Variants in SH3TC2 observed in about 807,000 individuals in gnomAD.
SH3TC2 encodes SH3 domain and tetratricopeptide repeats 2.
In SH3TC2, 87 loss-of-function variants were observed where a neutral mutation model predicts 124.5. The observed-to-expected ratio is 0.70, with a 90% confidence interval of 0.59 to 0.84. The LOEUF is 0.84. Among genes scored for constraint, SH3TC2 ranks in the 40% least tolerant of loss-of-function variants. SH3TC2 has a pLI of 0.00. For missense variants in SH3TC2, 1,536 were observed against 1,566.4 expected (o/e 0.98, Z 0.33); for synonymous variants, 634 against 628.5 (o/e 1.01, Z -0.13).
Position 148,991,128 on chromosome 5 carries a change from C to T in SH3TC2, c.*13583G>A, listed in dbSNP as rs1240681809. On this transcript the variant is annotated 3_prime_UTR_variant, in exon 17 of 17. Coordinates refer to ENST00000515425, the MANE Select transcript of SH3TC2 (RefSeq NM_024577.4). Reference sequence around the variant, plus strand: ...ACGTTTAATATGACCCTTTAAAACACCAGGAACATTCACAGCAAAAGACCA... The same window carrying T: ...ACGTTTAATATGACCCTTTAAAACATCAGGAACATTCACAGCAAAAGACCA... Among the ~76,000 whole-genome samples the T allele has an allele frequency of 6.6e-6, 1 of 152,142 alleles. No homozygotes were observed. The highest frequency in any genetic ancestry group is 2.4e-5 in the African/African-American group (1 of 41,420).
At position 149,003,994 on chromosome 5, in the gene SH3TC2, T is replaced by C. The variant is rs1175416557; in HGVS notation, c.*717A>G. On this transcript the variant is annotated 3_prime_UTR_variant, in exon 17 of 17. Transcript: ENST00000515425. ...TATTTAATCATATACACTATTTACA[T>C]GTAATTTATGTCATAATTTTCTTAA... The C allele has an allele frequency of 2.7e-5, 5 of 187,888 alleles. No homozygotes were observed. In the East Asian group the frequency reaches 6.6e-4, roughly 25 times the overall value. 11.6% of individuals were successfully genotyped at this position (187,888 alleles called of 1,614,324 possible).
chr5:149,018,953 C>T (rs957917467), intron 12 of SH3TC2, among the ~76,000 whole-genome samples: 1 of 152,230 alleles, frequency 6.6e-6, no homozygotes, highest in Non-Finnish European at 1.5e-5. Flanking sequence ...CAAACCTCCC[C>T]CTACAGAAGC....
At chr5:149,034,228 T>C (rs973423167) in intron 8 of SH3TC2, among the ~76,000 whole-genome samples, 12 of 144,574 alleles carry the variant, frequency 8.3e-5, no homozygotes, top group Middle Eastern at 3.5e-3. Context: ...AAGAACTACA[T>C]GGGTGGGTTA....
chr5:149,015,474 A>T (rs1430742548), intron 12 of SH3TC2, among the ~76,000 whole-genome samples: 2 of 152,216 alleles, frequency 1.3e-5, no homozygotes, highest in African/African-American at 4.8e-5. Flanking sequence ...CCAAAGAAGC[A>T]TGGAGCACTG....
intron 8 of SH3TC2, chr5:149,034,293 CA>C (rs1250811494): frequency 6.1e-6 from 1 of 163,966 alleles, no homozygotes; most frequent in African/African-American, 2.4e-5. Flanking sequence ...AAGATTATGT[CA>C]AGAAAATCAA....
intron 13 of SH3TC2, among the ~76,000 whole-genome samples, chr5:149,011,308 G>A (rs1753779586): frequency 6.6e-6 from 1 of 152,254 alleles, no homozygotes; most frequent in Non-Finnish European, 1.5e-5. Flanking sequence ...GAGGGGCAGT[G>A]AGATGGAATC....
rs1297552260 is a variant in SH3TC2, at chr5:148,994,532, T to A, written c.*10179A>T. Among the ~76,000 whole-genome samples, 2 of 152,102 alleles carry A rather than the reference T, an allele frequency of 1.3e-5. No homozygotes were observed. Among genetic ancestry groups the A allele is most frequent in the Non-Finnish European group, 2.9e-5 (2 of 68,008 alleles). Reference sequence around the variant, plus strand: ...CTCACTGGATTGTGAGTTTAGCACATGAGAGGTGTTGAATATTGGTTAGTT... The same window carrying A: ...CTCACTGGATTGTGAGTTTAGCACAAGAGAGGTGTTGAATATTGGTTAGTT... On this transcript the variant is annotated 3_prime_UTR_variant, in exon 17 of 17. Coordinates refer to ENST00000515425, the MANE Select transcript of SH3TC2 (RefSeq NM_024577.4).
At chr5:149,026,096 C>G (rs1754058345) in intron 12 of SH3TC2, 1 of 158,242 alleles carries the variant, frequency 6.3e-6, no homozygotes, top group South Asian at 1.9e-4. Flanking sequence ...GTGGGGGTGA[C>G]CTTTCTTTAA....
chr5:149,028,257 GAGA>G lies in SH3TC2; in HGVS notation c.1472_1474del (p.Phe491del), dbSNP rs984512495. ...GCTATAAAAGGAAGAAGTGAGGAAA[GAGA>G]AGGAGAAGTCATAGAGACTCTTAAA... On this transcript the variant is annotated inframe_deletion, in exon 11 of 17. Coordinates refer to ENST00000515425, the MANE Select transcript of SH3TC2 (RefSeq NM_024577.4). The G allele has an allele frequency of 5.6e-6, 9 of 1,613,914 alleles. No individual in the cohort carries two copies. The African/African-American group carries it at 6.7e-5, about 12-fold the overall frequency.
At chr5:149,044,395 ATT>A (rs1754422530) in intron 4 of SH3TC2, 136 bp downstream of exon 4, 1 of 682,876 alleles carries the variant, frequency 1.5e-6, no homozygotes, top group African/African-American at 1.8e-5. Context: ...ACTTTGTGAA[ATT>A]TCAAAAGTTA....
chr5:149,009,527 C>A (rs924962112), intron 14 of SH3TC2, among the ~76,000 whole-genome samples: 1 of 152,190 alleles, frequency 6.6e-6, no homozygotes, highest in African/African-American at 2.4e-5. Flanking sequence ...TTCTTCCCCA[C>A]CCCTAGCTCA....
rs1211127847 is a variant in SH3TC2, at chr5:149,042,165, A to G, written c.529+529T>C. On this transcript the variant is annotated intron_variant, in intron 5 of 16. Coordinates refer to ENST00000515425, the MANE Select transcript of SH3TC2 (RefSeq NM_024577.4). Reference sequence around the variant, plus strand: ...TGATGTCATCAGGCTTATCCACCTCATAGTTGTTAATTGGTAGATGATAAC... The same window carrying G: ...TGATGTCATCAGGCTTATCCACCTCGTAGTTGTTAATTGGTAGATGATAAC... Among the ~76,000 whole-genome samples, 5 of 152,276 alleles carry G rather than the reference A, an allele frequency of 3.3e-5. No homozygotes were observed. In the East Asian group the frequency reaches 9.6e-4, roughly 29 times the overall value.
At chr5:149,016,700 C>A (rs1242211798) in intron 12 of SH3TC2, among the ~76,000 whole-genome samples, 1 of 151,986 alleles carries the variant, frequency 6.6e-6, no homozygotes, top group Admixed American at 6.5e-5. Context: ...CCGAGGCGGG[C>A]GGATCACGAG....
At chr5:149,038,726 A>G (rs1754323979) in intron 7 of SH3TC2, among the ~76,000 whole-genome samples, 1 of 152,264 alleles carries the variant, frequency 6.6e-6, no homozygotes, top group South Asian at 2.1e-4. Context: ...CACCAAAGAA[A>G]AAATGTTTTA....
chr5:149,044,654 A>T lies in SH3TC2; in HGVS notation c.280-16T>A, dbSNP rs2127401469. Reference sequence around the variant, plus strand: ...CTGAGAGGTCCTACGTAAAGGAAACAATGAGTCAGCCTGGGATGACAGAAG... The same window carrying T: ...CTGAGAGGTCCTACGTAAAGGAAACTATGAGTCAGCCTGGGATGACAGAAG... On this transcript the variant is annotated splice_polypyrimidine_tract_variant and intron_variant, in intron 3 of 16. Transcript: ENST00000515425. 1.9e-6 allele frequency: 3 copies of T among 1,598,652 alleles called. No homozygotes were observed. The highest frequency in any genetic ancestry group is 2.6e-6 in the Non-Finnish European group (3 of 1,165,862).
chr5:149,003,844 T>C lies in SH3TC2; in HGVS notation c.*867A>G, dbSNP rs1181531550. The C allele has an allele frequency of 3.8e-6, 1 of 260,856 alleles. No individual in the cohort carries two copies. The highest frequency in any genetic ancestry group is 7.2e-6 in the Non-Finnish European group (1 of 138,846). The allele number at this position is 260,856 out of a possible 1,614,324, so 16.2% of individuals were successfully genotyped here. ...CCAGCCTGGGCAACAGAGGAGAAAC[T>C]GTCTCAAAAAAAAAAAAAAAAAAAA... On this transcript the variant is annotated 3_prime_UTR_variant, in exon 17 of 17. Coordinates refer to ENST00000515425, the MANE Select transcript of SH3TC2 (RefSeq NM_024577.4).
intron 16 of SH3TC2, 131 bp from the exon 17 acceptor site, chr5:149,005,033 TC>T: frequency 9.4e-7 from 1 of 1,066,064 alleles, no homozygotes; most frequent in Non-Finnish European, 1.4e-6. Context: ...CAACATCCAA[TC>T]CCCATCTCCT....
intron 9 of SH3TC2, among the ~76,000 whole-genome samples, chr5:149,030,680 T>C (rs1754175521): frequency 6.6e-6 from 1 of 152,242 alleles, no homozygotes; most frequent in Non-Finnish European, 1.5e-5. Flanking sequence ...TGCACGGACA[T>C]AGCTCTCAAC....
Position 149,027,882 on chromosome 5 carries a change from G to A in SH3TC2, c.1850C>T (p.Ala617Val), listed in dbSNP as rs1166880077. The stretch of plus-strand genomic sequence containing the variant: ...CACAATCCCCTGGCGCAGCACGTAG[G>A]CCACCACGTCGAGTTCATGCTTGGC... The part of the protein sequence containing the change: ...SSAKHELDVV[A>V]YVLRQGIVVG... The change falls in exon 11 of 17, where the codon GCC becomes GTC. Residue 617 changes from alanine (A) to valine (V), a missense_variant. Ala to Val is a moderately conservative substitution (Grantham distance 64). Around this residue, in one of 3 missense-constraint regions of SH3TC2, gnomAD observed 1,102 missense variants for 1,098.6 expected, o/e 1.00. Transcript: ENST00000515425. 1.5e-5 allele frequency: 25 copies of A among 1,613,746 alleles called. No individual in the cohort carries two copies. The highest frequency in any genetic ancestry group is 2.1e-5 in the Non-Finnish European group (25 of 1,180,042).
Sources: allele counts gnomAD v4.1 joint callset (sites outside exome capture counted in the v4.1 genomes callset), GRCh38; gene constraint gnomAD v4.1.1; regional missense constraint gnomAD v4.1.1; transcripts MANE v1.5; gene names NCBI Gene and HGNC (gene_info 2026-07-23, HGNC 2026-07-21).